The following SORCS2 variants were observed in gnomAD, a reference collection of about 807,000 sequenced individuals.
SORCS2 encodes the protein sortilin related VPS10 domain containing receptor 2.
A neutral mutation model predicts 141.6 loss-of-function variants in SORCS2; 100 were observed. The observed-to-expected ratio is 0.71, with a 90% CI of 0.60 to 0.83. The LOEUF (loss-of-function observed/expected upper bound fraction) is 0.83, where lower values mean the gene tolerates loss of function less well. Among genes scored for constraint, SORCS2 ranks in the 40% least tolerant of loss-of-function variants. The pLI is 0.00. For synonymous variants in SORCS2, 789 were observed against 676.9 expected (o/e 1.17, Z -2.57); for missense variants, 1,646 against 1,560.2 (o/e 1.05, Z -0.93).
intron 4 of SORCS2, among the ~76,000 whole-genome samples, chr4:7,641,777 AATGGATGGATGGATGGATGGATGGATGG>A (rs56032853): frequency 3.8e-5 from 3 of 78,950 alleles, no homozygotes; most frequent in Non-Finnish European, 9.4e-5. Context: ...TGGATGGATA[AATGGATGGATGGATGGATGGATGGATGG>A]ATGGATGGAT....
At chr4:7,416,429 T>G (rs1053325132) in intron 2 of SORCS2, among the ~76,000 whole-genome samples, 2 of 152,154 alleles carry the variant, frequency 1.3e-5, no homozygotes, top group African/African-American at 4.8e-5. Context: ...GACTCAGTAC[T>G]TTGCATTCTC....
chr4:7,321,001 G>T (rs1024378589), intron 1 of SORCS2, among the ~76,000 whole-genome samples: 1 of 148,684 alleles, frequency 6.7e-6, no homozygotes, highest in Non-Finnish European at 1.5e-5. Flanking sequence ...TGGATGAATT[G>T]TATAGTGGGG....
intron 12 of SORCS2, among the ~76,000 whole-genome samples, chr4:7,702,412 G>A (rs1478709604): frequency 6.6e-6 from 1 of 152,340 alleles, no homozygotes; most frequent in East Asian, 1.9e-4. Context: ...TGACTTTGGA[G>A]CCACCACCGG....
intron 2 of SORCS2, among the ~76,000 whole-genome samples, chr4:7,517,097 A>G (rs537709163): frequency 6.6e-6 from 1 of 152,322 alleles, no homozygotes; most frequent in East Asian, 1.9e-4. Flanking sequence ...CGCCATGATT[A>G]CTACTACAGC....
chr4:7,723,456 T>C (rs1726737310), intron 18 of SORCS2, among the ~76,000 whole-genome samples: 1 of 152,156 alleles, frequency 6.6e-6, no homozygotes, highest in Admixed American at 6.5e-5. Context: ...GTGATTGTTC[T>C]GAAATATCCC....
chr4:7,639,420 GTGTGTA>G (rs1720488460), intron 4 of SORCS2, among the ~76,000 whole-genome samples: 2 of 117,966 alleles, frequency 1.7e-5, no homozygotes, highest in Non-Finnish European at 3.8e-5. Context: ...ATAAGTGTGT[GTGTGTA>G]TGCACACTTG....
chr4:7,497,140 G>C (rs1731678737), intron 2 of SORCS2, among the ~76,000 whole-genome samples: 1 of 152,244 alleles, frequency 6.6e-6, no homozygotes, highest in Non-Finnish European at 1.5e-5. Context: ...AGTGGCCGAA[G>C]CCTCAGGCTT....
chr4:7,524,819 G>A (rs2109519163), intron 2 of SORCS2, among the ~76,000 whole-genome samples: 1 of 152,026 alleles, frequency 6.6e-6, no homozygotes, highest in African/African-American at 2.4e-5. Flanking sequence ...GCCAGTTTCA[G>A]GTTTTCTAAC....
intron 18 of SORCS2, among the ~76,000 whole-genome samples, chr4:7,718,849 T>C (rs1032796502): frequency 9.8e-5 from 15 of 152,366 alleles, no homozygotes; most frequent in African/African-American, 3.4e-4. Context: ...CAGTCCTCCG[T>C]GGTAACAACT....
At chr4:7,537,012 G>T (rs946737840) in intron 3 of SORCS2, among the ~76,000 whole-genome samples, 6 of 152,182 alleles carry the variant, frequency 3.9e-5, no homozygotes, top group Non-Finnish European at 5.9e-5. Flanking sequence ...AGCCCCTAGA[G>T]TACCCCTTGT....
At chr4:7,724,722 GGGA>G (rs1224587752) in intron 19 of SORCS2, among the ~76,000 whole-genome samples, 24 of 88,344 alleles carry the variant, frequency 2.7e-4, no homozygotes, top group East Asian at 5.0e-4. Flanking sequence ...TAGTATTGGT[GGGA>G]ATGGATGGTG....
intron 1 of SORCS2, among the ~76,000 whole-genome samples, chr4:7,237,437 G>C (rs116041635): frequency 6.6e-6 from 1 of 152,260 alleles, no homozygotes; most frequent in Admixed American, 6.5e-5. Flanking sequence ...TCCTCCCAAG[G>C]GGACCCTGTT....
chr4:7,267,524 A>C (rs55744396), intron 1 of SORCS2, among the ~76,000 whole-genome samples: 25,954 of 152,124 alleles, frequency 0.17, 2,916 homozygotes, highest in East Asian at 0.43. Context: ...GGAAAGATGG[A>C]ATGGATGACA....
chr4:7,440,148 G>C, intron 2 of SORCS2, among the ~76,000 whole-genome samples: 1 of 152,138 alleles, frequency 6.6e-6, no homozygotes. Context: ...CTACATGCAA[G>C]GTATTCACAT....
intron 1 of SORCS2, among the ~76,000 whole-genome samples, chr4:7,304,198 G>A (rs532516824): frequency 1.3e-5 from 2 of 152,356 alleles, no homozygotes; most frequent in East Asian, 1.9e-4. Context: ...CTGGCCTTAT[G>A]TTCTTGCCTG....
intron 2 of SORCS2, among the ~76,000 whole-genome samples, chr4:7,438,946 CCTT>C (rs1727476596): frequency 6.6e-6 from 1 of 152,118 alleles, no homozygotes; most frequent in Admixed American, 6.5e-5. Context: ...CCTCAGGCAT[CCTT>C]CTTTGGCACT....
intron 2 of SORCS2, among the ~76,000 whole-genome samples, chr4:7,403,758 TTATATA>T (rs1196480533): frequency 6.6e-6 from 1 of 150,528 alleles, no homozygotes; most frequent in Non-Finnish European, 1.5e-5. Context: ...TTATTATGAT[TTATATA>T]TATATAAATT....
At chr4:7,445,422 G>T (rs10013018) in intron 2 of SORCS2, among the ~76,000 whole-genome samples, 33,925 of 151,968 alleles carry the variant, frequency 0.22, 4,715 homozygotes, top group African/African-American at 0.4. Flanking sequence ...AGGGCATCCT[G>T]GGAAGAGCAT....
chr4:7,667,827 C>A (rs1263205220), intron 8 of SORCS2, among the ~76,000 whole-genome samples: 1 of 152,238 alleles, frequency 6.6e-6, no homozygotes, highest in African/African-American at 2.4e-5. Context: ...TCTCTCCACC[C>A]TATTAATATA....
Sources: gnomAD v4.1 joint callset for allele counts (sites outside exome capture counted in the v4.1 genomes callset) on GRCh38, gnomAD v4.1.1 for gene constraint, MANE v1.5 for transcripts, NCBI Gene and HGNC (gene_info 2026-07-23, HGNC 2026-07-21) for gene names.